Variants in MPP3 observed in about 807,000 individuals in gnomAD.
MPP3 encodes MAGUK p55 scaffold protein 3, also known as MAGUK p55 subfamily member 3.
Under a neutral mutation model 80.7 loss-of-function variants are expected in MPP3, and 48 were observed. The observed-to-expected ratio is 0.59, with a 90% CI of 0.47 to 0.76. MPP3 has a LOEUF of 0.76. Among genes scored for constraint, MPP3 ranks in the 30% least tolerant of loss-of-function variants. The probability of loss-of-function intolerance (pLI) is 0.00; values close to 1 mark genes in which losing one functional copy is unlikely to be tolerated. For missense variants in MPP3, 620 were observed against 763.0 expected (o/e 0.81, Z 2.21); for synonymous variants, 311 against 297.6 (o/e 1.04, Z -0.46).
At chr17:43,814,527 A>G in intron 14 of MPP3, 166 bp from the exon 15 acceptor site, 2 of 603,940 alleles carry the variant, frequency 3.3e-6, no homozygotes, top group Non-Finnish European at 5.5e-6. Flanking sequence ...AAATACAATA[A>G]TAAGATGAAA....
chr17:43,824,054 C>A, intron 9 of MPP3, 49 bp from the exon 10 acceptor site: 1 of 1,371,732 alleles, frequency 7.3e-7, no homozygotes, highest in Non-Finnish European at 1.0e-6. Flanking sequence ...TCTAACCCTC[C>A]AAGAGTTCAA....
In MPP3 at chr17:43,814,577, T is replaced by A. The variant is rs1274256547; in HGVS notation, c.1010-216A>T. ...TTCACAAACTAGGGCTTAAGGTCAC[T>A]GTTTTACTTGGCATGTGACTGACCT... On this transcript the variant is annotated intron_variant, in intron 14 of 19. Coordinates refer to ENST00000398389, the MANE Select transcript of MPP3 (RefSeq NM_001932.6). 18 of 456,672 alleles carry A rather than the reference T, an allele frequency of 3.9e-5. No homozygotes were observed. The East Asian group carries it at 5.7e-4, about 15-fold the overall frequency. The allele number at this position is 456,672 out of a possible 1,614,324, so 28.3% of individuals were successfully genotyped here.
chr17:43,801,534 A>T lies in MPP3; in HGVS notation c.*167T>A. ...AAAGAGGTGCAGTGAAAAACAACAGACAAAAACCAACAACAAACAAGACTT... is the reference window on the plus strand; with the variant it reads ...AAAGAGGTGCAGTGAAAAACAACAGTCAAAAACCAACAACAAACAAGACTT... On this transcript the variant is annotated 3_prime_UTR_variant, in exon 20 of 20. Coordinates refer to ENST00000398389, the MANE Select transcript of MPP3 (RefSeq NM_001932.6). The T allele has an allele frequency of 1.6e-6, 1 of 621,052 alleles. No homozygotes were observed. The highest frequency in any genetic ancestry group is 2.7e-6 in the Non-Finnish European group (1 of 372,100). 38.5% of individuals were successfully genotyped at this position (621,052 alleles called of 1,614,324 possible). A position where few individuals can be genotyped will look rare whatever the true frequency, so the allele number is the denominator to read the frequency against.
In MPP3 at chr17:43,801,942, T is replaced by C. The variant is rs910108965; in HGVS notation, c.1582-65A>G. The C allele has an allele frequency of 3.3e-6, 5 of 1,518,590 alleles. No homozygotes were observed. In the African/African-American group the frequency reaches 5.5e-5, roughly 17 times the overall value. The allele number at this position is 1,518,590 out of a possible 1,614,324, so 94.1% of individuals were successfully genotyped here. ...TCTCCTATAACAAACCTATAACCTT[T>C]GTCTTGAGCAATGTTCCAACCTTTA... On this transcript the variant is annotated intron_variant, in intron 19 of 19. Coordinates refer to ENST00000398389, the MANE Select transcript of MPP3 (RefSeq NM_001932.6).
intron 10 of MPP3, among the ~76,000 whole-genome samples, chr17:43,822,341 T>G (rs2045499621): frequency 1.3e-5 from 2 of 152,150 alleles, no homozygotes; most frequent in Non-Finnish European, 2.9e-5. Flanking sequence ...TGCTGTAATG[T>G]TTCTTCTTTC....
intron 4 of MPP3, 73 bp from the exon 5 acceptor site, chr17:43,831,394 G>T: frequency 6.6e-7 from 1 of 1,507,748 alleles, no homozygotes; most frequent in South Asian, 1.1e-5. Context: ...GACATTTGGG[G>T]CAGCAGACTG....
intron 12 of MPP3, 52 bp from the exon 13 acceptor site, chr17:43,816,749 G>A (rs1398987084): frequency 1.9e-6 from 3 of 1,550,868 alleles, no homozygotes; most frequent in Non-Finnish European, 2.6e-6. Context: ...GGGAAGCGGG[G>A]ACCCTGCGGC....
chr17:43,805,085 A>G (rs1226000414), intron 19 of MPP3, among the ~76,000 whole-genome samples: 1 of 152,224 alleles, frequency 6.6e-6, no homozygotes, highest in Non-Finnish European at 1.5e-5. Context: ...GCATCTGACA[A>G]GGGACTTGTA....
chr17:43,810,707 TA>T, intron 18 of MPP3, 99 bp downstream of exon 18: 1 of 803,546 alleles, frequency 1.2e-6, no homozygotes, highest in East Asian at 2.6e-5. Flanking sequence ...TGTTCTAGAC[TA>T]AAAATTCCTT....
chr17:43,804,573 C>A (rs59727642), intron 19 of MPP3, among the ~76,000 whole-genome samples: 6,075 of 152,208 alleles, frequency 0.04, 404 homozygotes, highest in African/African-American at 0.14. Flanking sequence ...GTAACTGCTA[C>A]AACTATAAAT....
chr17:43,832,507 GA>G (rs1467429934), intron 2 of MPP3, among the ~76,000 whole-genome samples: 1 of 152,210 alleles, frequency 6.6e-6, no homozygotes, highest in East Asian at 1.9e-4. Context: ...AGGAGGGGGG[GA>G]AATGGGAGTC....
chr17:43,817,804 T>C, intron 12 of MPP3: 1 of 478,898 alleles, frequency 2.1e-6, no homozygotes, highest in Non-Finnish European at 3.7e-6. Context: ...TCTGCACATT[T>C]TGGGAAAGCT....
At chr17:43,804,992 T>G (rs1172422108) in intron 19 of MPP3, among the ~76,000 whole-genome samples, 1 of 152,058 alleles carries the variant, frequency 6.6e-6, no homozygotes, top group Non-Finnish European at 1.5e-5. Context: ...CGCTCCAGCC[T>G]GGGCAACAAG....
intron 11 of MPP3, among the ~76,000 whole-genome samples, chr17:43,819,564 T>C (rs1004633151): frequency 3.3e-5 from 5 of 152,128 alleles, no homozygotes; most frequent in Admixed American, 3.3e-4. Flanking sequence ...TTATATAAAC[T>C]GTGTGTTTGA....
At chr17:43,813,091 T>C (rs1369829182) in intron 16 of MPP3, among the ~76,000 whole-genome samples, 1 of 152,134 alleles carries the variant, frequency 6.6e-6, no homozygotes, top group Non-Finnish European at 1.5e-5. Flanking sequence ...CACCAGGCAT[T>C]CACACTGCAT....
chr17:43,832,957 C>A (rs1258194855), intron 1 of MPP3, 138 bp from the exon 2 acceptor site: 1 of 148,828 alleles, frequency 6.7e-6, no homozygotes, highest in Non-Finnish European at 1.5e-5. Context: ...AGGCGGGGGC[C>A]GAGGGGCGGG....
chr17:43,831,705 T>G (rs917211740), intron 3 of MPP3, 28 bp from the exon 4 acceptor site: 3 of 1,573,880 alleles, frequency 1.9e-6, no homozygotes, highest in Non-Finnish European at 2.6e-6. Flanking sequence ...AAACAAAGGA[T>G]AGCAAACGCA....
intron 5 of MPP3, among the ~76,000 whole-genome samples, chr17:43,830,426 C>CA (rs527382174): frequency 5.3e-4 from 80 of 152,330 alleles, no homozygotes; most frequent in African/African-American, 1.9e-3. Context: ...TCCTGAGACT[C>CA]AAAGAGATTA....
At chr17:43,814,506 G>T in intron 14 of MPP3, 145 bp from the exon 15 acceptor site, 3 of 710,076 alleles carry the variant, frequency 4.2e-6, no homozygotes, top group Non-Finnish European at 6.7e-6. Flanking sequence ...TACTGGAAGA[G>T]GTTGTTCAGG....
Sources: allele counts gnomAD v4.1 joint callset (sites outside exome capture counted in the v4.1 genomes callset), GRCh38; gene constraint gnomAD v4.1.1; transcripts MANE v1.5; gene names NCBI Gene and HGNC (gene_info 2026-07-23, HGNC 2026-07-21).